LRRC4C: variants seen among roughly 807,000 people sequenced by gnomAD.
The protein encoded by LRRC4C is leucine rich repeat containing 4C.
Under a neutral mutation model 33.6 loss-of-function variants are expected in LRRC4C, and 5 were observed. The observed-to-expected ratio is 0.15, with a 90% CI of 0.08 to 0.31. LRRC4C has a LOEUF of 0.31. Ranked by LOEUF, LRRC4C falls within the 10% of genes least tolerant of loss-of-function variation. The pLI, the probability that LRRC4C is intolerant of heterozygous loss-of-function variation, is 1.00. For missense variants in LRRC4C, 560 were observed against 796.7 expected, an observed-to-expected ratio of 0.70 and a Z score of 3.58; for synonymous variants, 329 against 302.0, an observed-to-expected ratio of 1.09 and a Z score of -0.93.
At chr11:40,735,290 T>C (rs1947800633) in intron 2 of LRRC4C, among the ~76,000 whole-genome samples, 2 of 152,058 alleles carry the variant, frequency 1.3e-5, no homozygotes, top group South Asian at 4.2e-4. Flanking sequence ...TAGGTATATC[T>C]CCTAATGTTA....
chr11:41,052,280 A>G (rs945093114), intron 1 of LRRC4C, among the ~76,000 whole-genome samples: 3 of 152,166 alleles, frequency 2.0e-5, no homozygotes, highest in Admixed American at 6.6e-5. Context: ...AAGAGATACA[A>G]GTCCTTCACA....
At chr11:40,365,529 T>G (rs1180879637) in intron 3 of LRRC4C, among the ~76,000 whole-genome samples, 1 of 152,076 alleles carries the variant, frequency 6.6e-6, no homozygotes, top group Non-Finnish European at 1.5e-5. Context: ...TCATGTCACA[T>G]GAGTTCTAAG....
intron 1 of LRRC4C, among the ~76,000 whole-genome samples, chr11:41,020,323 T>C (rs2137658552): frequency 6.6e-6 from 1 of 152,282 alleles, no homozygotes. Context: ...TCCCCAAAGC[T>C]AAGCTAAAGC....
chr11:40,927,827 G>A (rs1957461263), intron 2 of LRRC4C, among the ~76,000 whole-genome samples: 1 of 152,154 alleles, frequency 6.6e-6, no homozygotes. Context: ...GTTCACTTAG[G>A]TGTTTCACAC....
At chr11:40,740,370 T>C (rs1359710109) in intron 2 of LRRC4C, among the ~76,000 whole-genome samples, 2 of 152,150 alleles carry the variant, frequency 1.3e-5, no homozygotes, top group Middle Eastern at 3.4e-3. Flanking sequence ...AAGAAGAATA[T>C]GATATATTAT....
chr11:40,270,007 C>G (rs1942568467), intron 4 of LRRC4C, among the ~76,000 whole-genome samples: 1 of 152,160 alleles, frequency 6.6e-6, no homozygotes, highest in South Asian at 2.1e-4. Context: ...AAGGTTACAG[C>G]TAAGGCTTCT....
At chr11:40,269,118 A>G (rs1004524848) in intron 4 of LRRC4C, among the ~76,000 whole-genome samples, 1 of 152,250 alleles carries the variant, frequency 6.6e-6, no homozygotes, top group African/African-American at 2.4e-5. Flanking sequence ...TGATGTTGCT[A>G]TTTTAGAGCA....
At chr11:40,429,979 A>G (rs1161868056) in intron 3 of LRRC4C, among the ~76,000 whole-genome samples, 2 of 152,182 alleles carry the variant, frequency 1.3e-5, no homozygotes, top group Admixed American at 6.5e-5. Context: ...TTATTATTCC[A>G]AAGTATTTTA....
chr11:41,319,886 T>G (rs2137261376), intron 1 of LRRC4C, among the ~76,000 whole-genome samples: 1 of 152,296 alleles, frequency 6.6e-6, no homozygotes, highest in South Asian at 2.1e-4. Context: ...ACTTTCATTT[T>G]TAAAGATATA....
chr11:40,546,122 CTTCCTTCCTTCT>C (rs1284494979), intron 3 of LRRC4C, among the ~76,000 whole-genome samples: 2 of 118,916 alleles, frequency 1.7e-5, no homozygotes, highest in Non-Finnish European at 3.9e-5. Flanking sequence ...TCCTTCCTTC[CTTCCTTCCTTCT>C]TTCCTTTCTC....
chr11:40,343,730 A>G, intron 3 of LRRC4C, among the ~76,000 whole-genome samples: 1 of 149,552 alleles, frequency 6.7e-6, no homozygotes, highest in Non-Finnish European at 1.5e-5. Flanking sequence ...AAAAAAAGAG[A>G]GAGACAGAGA....
chr11:40,148,958 TTTTGTCAGC>T (rs2135083076), intron 5 of LRRC4C, among the ~76,000 whole-genome samples: 1 of 152,316 alleles, frequency 6.6e-6, no homozygotes, highest in East Asian at 1.9e-4. Flanking sequence ...CATTGCTTGT[TTTTGTCAGC>T]TTTGTCAAAG....
At chr11:40,677,885 GAT>G (rs1200432231) in intron 2 of LRRC4C, among the ~76,000 whole-genome samples, 1 of 152,054 alleles carries the variant, frequency 6.6e-6, no homozygotes, top group African/African-American at 2.4e-5. Context: ...ATACAGCATT[GAT>G]ATCCGGAGTT....
intron 3 of LRRC4C, among the ~76,000 whole-genome samples, chr11:40,542,230 T>A (rs1327360460): frequency 6.6e-6 from 1 of 152,132 alleles, no homozygotes; most frequent in Admixed American, 6.6e-5. Flanking sequence ...GAAAATGCTT[T>A]ATTCTCTGCA....
At chr11:41,113,186 T>G (rs2135714592) in intron 1 of LRRC4C, among the ~76,000 whole-genome samples, 1 of 152,156 alleles carries the variant, frequency 6.6e-6, no homozygotes, top group South Asian at 2.1e-4. Flanking sequence ...TTTTTTTTTC[T>G]AGGCTAGCAA....
chr11:41,155,532 G>C lies in LRRC4C; in HGVS notation c.-495-221809C>G, dbSNP rs371616080. 3.0e-4 allele frequency among the ~76,000 whole-genome samples: 45 copies of C among 152,170 alleles called. No individual in the cohort carries two copies. In the East Asian group the frequency reaches 8.3e-3, roughly 28 times the overall value. On this transcript the variant is annotated intron_variant, in intron 1 of 6. Coordinates refer to ENST00000528697, the MANE Select transcript of LRRC4C (RefSeq NM_001258419.2). Reference sequence around the variant, plus strand: ...CCTTTACCCTATGTCCCTTCCCAAAGCAGTTCTTTGCTCTCCCTCTTCCAA... The same window carrying C: ...CCTTTACCCTATGTCCCTTCCCAAACCAGTTCTTTGCTCTCCCTCTTCCAA...
intron 2 of LRRC4C, among the ~76,000 whole-genome samples, chr11:40,747,290 A>G (rs1367312866): frequency 1.3e-5 from 2 of 152,194 alleles, no homozygotes; most frequent in Non-Finnish European, 2.9e-5. Context: ...AGAAAATCAT[A>G]GATACCACTG....
At chr11:41,048,858 A>G (rs1188236477) in intron 1 of LRRC4C, among the ~76,000 whole-genome samples, 1 of 152,220 alleles carries the variant, frequency 6.6e-6, no homozygotes, top group Non-Finnish European at 1.5e-5. Context: ...TAGGGGAACA[A>G]TGGCGTAGGC....
chr11:40,823,788 T>G (rs1952042329), intron 2 of LRRC4C, among the ~76,000 whole-genome samples: 1 of 150,250 alleles, frequency 6.7e-6, no homozygotes, highest in African/African-American at 2.4e-5. Flanking sequence ...GTTATAGTGT[T>G]AAACATAAAC....
Sources: allele counts gnomAD v4.1 joint callset (sites outside exome capture counted in the v4.1 genomes callset), GRCh38; gene constraint gnomAD v4.1.1; transcripts MANE v1.5; gene names NCBI Gene and HGNC (gene_info 2026-07-23, HGNC 2026-07-21).